CAMKMT: variants seen among roughly 807,000 people sequenced by gnomAD.
CAMKMT encodes the protein CaM KMT.
A neutral mutation model predicts 48.0 loss-of-function variants in CAMKMT; 53 were observed. That is an observed-to-expected ratio of 1.10 (90% CI 0.89 to 1.39). The LOEUF (loss-of-function observed/expected upper bound fraction) is 1.39. Ranked by LOEUF, CAMKMT falls within the 40% of genes most tolerant of loss-of-function variation. CAMKMT has a pLI of 0.00. For synonymous variants in CAMKMT, 165 were observed against 152.3 expected, an observed-to-expected ratio of 1.08 and a Z score of -0.61; for missense variants, 428 against 402.7, an observed-to-expected ratio of 1.06 and a Z score of -0.54.
intron 3 of CAMKMT, among the ~76,000 whole-genome samples, chr2:44,536,263 G>A (rs1449387867): frequency 2.6e-5 from 4 of 151,620 alleles, no homozygotes; most frequent in Non-Finnish European, 4.4e-5. Flanking sequence ...AATTAATATT[G>A]TTAAAATGAC....
At chr2:44,671,912 T>C (rs1264895327) in intron 3 of CAMKMT, among the ~76,000 whole-genome samples, 1 of 152,160 alleles carries the variant, frequency 6.6e-6, no homozygotes, top group East Asian at 1.9e-4. Flanking sequence ...CACTTCAGAT[T>C]CTTTTCCTGC....
intron 7 of CAMKMT, among the ~76,000 whole-genome samples, chr2:44,741,725 T>A (rs150208178): frequency 6.6e-6 from 1 of 152,270 alleles, no homozygotes; most frequent in East Asian, 1.9e-4. Context: ...GCATTTCAAT[T>A]TATTTTAGAG....
chr2:44,436,400 C>T (rs1306437880), intron 3 of CAMKMT, among the ~76,000 whole-genome samples: 2 of 152,054 alleles, frequency 1.3e-5, no homozygotes, highest in East Asian at 3.9e-4. Flanking sequence ...ACTTCAGAGC[C>T]TCTGCCTCCT....
intron 8 of CAMKMT, among the ~76,000 whole-genome samples, chr2:44,744,813 A>G (rs1020651915): frequency 3.3e-5 from 5 of 152,114 alleles, no homozygotes; most frequent in African/African-American, 1.2e-4. Context: ...ACACTTCTCC[A>G]TGAAAAATAA....
At chr2:44,397,165 C>T (rs1681932193) in intron 3 of CAMKMT, among the ~76,000 whole-genome samples, 1 of 152,046 alleles carries the variant, frequency 6.6e-6, no homozygotes, top group South Asian at 2.1e-4. Context: ...TCCCCCATTA[C>T]ACTTATGAGA....
chr2:44,428,505 C>T lies in CAMKMT; in HGVS notation c.376+38200C>T, dbSNP rs144614459. ...GGTAGGAAAGCGGAGATGTGAAGTT[C>T]TCATTTAGGGCCGCAGGTCCAGGCT... On this transcript the variant is annotated intron_variant, in intron 3 of 10. Transcript: ENST00000378494. Among the ~76,000 whole-genome samples, 1,380 of 152,294 alleles carry T rather than the reference C, an allele frequency of 9.1e-3. 26 individuals are homozygous for T. Among genetic ancestry groups the T allele is most frequent in the South Asian group, 0.085 (409 of 4,820 alleles).
chr2:44,769,866 C>G (rs1249964772), intron 10 of CAMKMT, among the ~76,000 whole-genome samples: 2 of 152,102 alleles, frequency 1.3e-5, no homozygotes, highest in African/African-American at 4.8e-5. Flanking sequence ...ATTGTGGATA[C>G]TGTAAAGGGT....
intron 7 of CAMKMT, among the ~76,000 whole-genome samples, chr2:44,719,761 C>T (rs78741180): frequency 2.6e-5 from 4 of 152,196 alleles, no homozygotes; most frequent in East Asian, 1.9e-4. Context: ...CTCAGGCATG[C>T]GCATGTAGTG....
intron 3 of CAMKMT, among the ~76,000 whole-genome samples, chr2:44,671,608 G>A (rs1675331289): frequency 6.6e-6 from 1 of 152,124 alleles, no homozygotes; most frequent in South Asian, 2.1e-4. Flanking sequence ...TGTCCTTTGA[G>A]GGCAAAAACC....
intron 3 of CAMKMT, among the ~76,000 whole-genome samples, chr2:44,430,211 A>G (rs571712761): frequency 6.6e-6 from 1 of 152,220 alleles, no homozygotes; most frequent in East Asian, 1.9e-4. Flanking sequence ...CTGCCCAAAC[A>G]TATGATCTCC....
At chr2:44,625,390 A>G (rs1672423852) in intron 3 of CAMKMT, among the ~76,000 whole-genome samples, 1 of 152,182 alleles carries the variant, frequency 6.6e-6, no homozygotes, top group Non-Finnish European at 1.5e-5. Flanking sequence ...ATACAAATAC[A>G]TTTAATAAAT....
intron 3 of CAMKMT, among the ~76,000 whole-genome samples, chr2:44,696,214 A>T (rs1676942916): frequency 6.6e-6 from 1 of 152,216 alleles, no homozygotes; most frequent in African/African-American, 2.4e-5. Context: ...AAGTGCTGGG[A>T]TTACAGGCGT....
At chr2:44,506,045 A>G (rs1415298991) in intron 3 of CAMKMT, among the ~76,000 whole-genome samples, 1 of 151,956 alleles carries the variant, frequency 6.6e-6, no homozygotes, top group Non-Finnish European at 1.5e-5. Context: ...TTATAGAGAC[A>G]GGATTTCACC....
At chr2:44,419,710 G>C (rs907475889) in intron 3 of CAMKMT, among the ~76,000 whole-genome samples, 1 of 152,110 alleles carries the variant, frequency 6.6e-6, no homozygotes, top group African/African-American at 2.4e-5. Context: ...CAGGTAGCTA[G>C]GACACAGGCG....
At chr2:44,737,889 G>T (rs71422107) in intron 7 of CAMKMT, among the ~76,000 whole-genome samples, 10 of 146,738 alleles carry the variant, frequency 6.8e-5, no homozygotes, top group Non-Finnish European at 1.0e-4. Context: ...ATGGAGTCTC[G>T]CTGTTACCCA....
rs919769857 is a variant in CAMKMT, at chr2:44,618,627, G to A, written c.377-85656G>A. 3.3e-5 allele frequency among the ~76,000 whole-genome samples: 5 copies of A among 152,180 alleles called. No homozygotes were observed. Among genetic ancestry groups the A allele is most frequent in the African/African-American group, 9.7e-5 (4 of 41,448 alleles). On this transcript the variant is annotated intron_variant, in intron 3 of 10. Transcript: ENST00000378494. The surrounding 1 kb of genome is among the most constrained non-coding windows in gnomAD (Gnocchi z 4.0). ...TGCCATATTCAGTGGATCCTGTCAG[G>A]AGCAAGTTGATGACTTAATAGTCTT...
intron 3 of CAMKMT, chr2:44,457,375 T>C (rs1470973688): frequency 6.6e-6 from 1 of 151,962 alleles, no homozygotes; most frequent in African/African-American, 2.4e-5. Flanking sequence ...TTAAGTCATA[T>C]TTCTTTCTTT....
At chr2:44,592,428 A>G (rs1318831459) in intron 3 of CAMKMT, among the ~76,000 whole-genome samples, 1 of 151,982 alleles carries the variant, frequency 6.6e-6, no homozygotes, top group Non-Finnish European at 1.5e-5. Flanking sequence ...TAGTGATGCC[A>G]TCTTTCTTAT....
intron 3 of CAMKMT, among the ~76,000 whole-genome samples, chr2:44,542,537 A>ACACACACT (rs1237950640): frequency 7.4e-5 from 5 of 67,886 alleles, no homozygotes; most frequent in South Asian, 4.7e-4. Flanking sequence ...ACACACACAC[A>ACACACACT]CTCTCTCTCT....
Sources: gnomAD v4.1 joint callset for allele counts (sites outside exome capture counted in the v4.1 genomes callset) on GRCh38, gnomAD v4.1.1 for gene constraint, Gnocchi (gnomAD v3.1) non-coding constraint, MANE v1.5 for transcripts, NCBI Gene and HGNC (gene_info 2026-07-23, HGNC 2026-07-21) for gene names.